PNPLA8: variants seen among roughly 807,000 people sequenced by gnomAD.
PNPLA8 encodes the protein calcium-independent phospholipase A2-gamma.
In PNPLA8, 39 loss-of-function variants were observed where a neutral mutation model predicts 76.9. That is an observed-to-expected ratio of 0.51 (90% CI 0.39 to 0.66). PNPLA8 has a LOEUF of 0.66. Among genes scored for constraint, PNPLA8 ranks in the 30% least tolerant of loss-of-function variants. PNPLA8 has a pLI of 0.00. For missense variants in PNPLA8, 887 were observed against 918.0 expected (o/e 0.97, Z 0.44); for synonymous variants, 301 against 307.9 (o/e 0.98, Z 0.24).
chr7:108,498,125 AC>A (rs1287968298), intron 5 of PNPLA8, among the ~76,000 whole-genome samples: 2 of 136,106 alleles, frequency 1.5e-5, no homozygotes, highest in African/African-American at 5.6e-5. Flanking sequence ...GAAAAAAAAA[AC>A]AAAAAACAAA....
chr7:108,507,914 A>T (rs1862581265), intron 4 of PNPLA8, among the ~76,000 whole-genome samples: 3 of 140,038 alleles, frequency 2.1e-5, no homozygotes, highest in Non-Finnish European at 4.6e-5. Flanking sequence ...ACAGAGCCAA[A>T]GACAAAAACC....
intron 9 of PNPLA8, chr7:108,480,863 A>C: frequency 3.5e-5 from 8 of 230,038 alleles, no homozygotes; most frequent in East Asian, 1.1e-4. Flanking sequence ...CACCCCCAAA[A>C]ACTCTCTCAT....
intron 10 of PNPLA8, 34 bp downstream of exon 10, chr7:108,479,150 G>C (rs551463264): frequency 6.8e-7 from 1 of 1,475,600 alleles, no homozygotes; most frequent in East Asian, 2.3e-5. Context: ...AATGCTAGAA[G>C]TTGAAGTATT....
intron 4 of PNPLA8, chr7:108,502,878 A>C: frequency 6.3e-6 from 2 of 317,440 alleles, no homozygotes; most frequent in Non-Finnish European, 1.1e-5. Flanking sequence ...GTTTTCATTA[A>C]AAGATGTAAT....
intron 2 of PNPLA8, among the ~76,000 whole-genome samples, chr7:108,517,008 A>G (rs1015298475): frequency 2.0e-5 from 3 of 152,210 alleles, no homozygotes; most frequent in Non-Finnish European, 2.9e-5. Flanking sequence ...TTCAACAGAC[A>G]TATCTGATAA....
intron 1 of PNPLA8, among the ~76,000 whole-genome samples, chr7:108,523,896 G>A (rs1334414927): frequency 6.6e-6 from 1 of 152,184 alleles, no homozygotes; most frequent in Non-Finnish European, 1.5e-5. Flanking sequence ...CACAGGACTT[G>A]ACAGCCAAGA....
chr7:108,491,797 T>C (rs573622737), intron 7 of PNPLA8, among the ~76,000 whole-genome samples: 14 of 152,214 alleles, frequency 9.2e-5, no homozygotes, highest in Non-Finnish European at 1.9e-4. Flanking sequence ...AGCTAGGACA[T>C]ATACAGATTA....
chr7:108,513,606 A>C (rs1863090840), intron 4 of PNPLA8, among the ~76,000 whole-genome samples: 1 of 152,106 alleles, frequency 6.6e-6, no homozygotes, highest in East Asian at 1.9e-4. Flanking sequence ...ATTTTATAGC[A>C]CTTCTCTGAA....
chr7:108,527,947 A>G (rs1314009614), upstream of PNPLA8: 5 of 152,200 alleles, frequency 3.3e-5, no homozygotes, highest in Non-Finnish European at 7.3e-5. Flanking sequence ...ATTTAGTCAG[A>G]TGTTATTAAA....
chr7:108,514,754 T>C lies in PNPLA8; in HGVS notation c.738A>G (p.Leu246=). ...LEDKKVEEGK[L]RSPDPGILAY... is the part of the protein sequence containing the mutation. ...CCAGGATGCCAGGATCTGGAGATCT[T>C]AATTTCCCCTCTTCTACCTTTTTAT... The change falls in exon 3 of 11, where the codon TTA becomes TTG. Residue 246 remains leucine (L), a synonymous_variant. Transcript: ENST00000257694. 1 of 1,613,240 alleles carries C rather than the reference T, an allele frequency of 6.2e-7. No homozygotes were observed. The highest frequency in any genetic ancestry group is 8.5e-7 in the Non-Finnish European group (1 of 1,179,372).
chr7:108,521,907 T>C (rs935943043), intron 1 of PNPLA8, among the ~76,000 whole-genome samples: 9 of 152,172 alleles, frequency 5.9e-5, no homozygotes, highest in Non-Finnish European at 7.3e-5. Context: ...AGAGTTAACC[T>C]GAAAATCTAG....
chr7:108,491,845 T>A (rs1323392754), intron 7 of PNPLA8, among the ~76,000 whole-genome samples: 2 of 152,162 alleles, frequency 1.3e-5, no homozygotes, highest in Non-Finnish European at 2.9e-5. Context: ...GTTTTCAGGG[T>A]CCTGCCAATA....
intron 9 of PNPLA8, among the ~76,000 whole-genome samples, chr7:108,486,509 G>A (rs113606247): frequency 2.6e-5 from 4 of 152,024 alleles, no homozygotes; most frequent in African/African-American, 9.7e-5. Flanking sequence ...GCAAGAAGGG[G>A]AAGTGCCTTA....
At position 108,517,617 on chromosome 7, in the gene PNPLA8, C is replaced by T. The variant is rs971569881; in HGVS notation, c.-83-2043G>A. On this transcript the variant is annotated intron_variant, in intron 2 of 10. Transcript: ENST00000257694. ...TGCTACAAAGACATGAGCTATCAAG[C>T]CATAAAAAGACCGTGAGAAACCTGA... Among the ~76,000 whole-genome samples the T allele has an allele frequency of 5.3e-5, 8 of 152,138 alleles. No individual in the cohort carries two copies. In the East Asian group the frequency reaches 5.8e-4, roughly 11 times the overall value.
chr7:108,470,967 G>T lies in PNPLA8; in HGVS notation c.*1434C>A, dbSNP rs1415040778. On this transcript the variant is annotated 3_prime_UTR_variant, in exon 11 of 11. Transcript: ENST00000257694. The stretch of plus-strand genomic sequence containing the variant: ...CTCTGTGAATTGATATTGCAAAGAA[G>T]CAATATGACTATCTGGGCAACAGGG... 1 of 152,154 alleles carries T rather than the reference G, an allele frequency of 6.6e-6. No individual in the cohort carries two copies. The highest frequency in any genetic ancestry group is 2.4e-5 in the African/African-American group (1 of 41,440). The allele number at this position is 152,154 out of a possible 1,614,324, so 9.4% of individuals were successfully genotyped here.
At chr7:108,501,274 A>T (rs1041807636) in intron 5 of PNPLA8, among the ~76,000 whole-genome samples, 1 of 152,254 alleles carries the variant, frequency 6.6e-6, no homozygotes, top group Non-Finnish European at 1.5e-5. Context: ...AAGCCAAAAA[A>T]TCTAACCAAC....
intron 7 of PNPLA8, 133 bp from the exon 8 acceptor site, chr7:108,491,600 T>C (rs1372675642): frequency 1.6e-6 from 1 of 631,430 alleles, no homozygotes; most frequent in Non-Finnish European, 2.8e-6. Context: ...TGTAAGACTC[T>C]CCTCTAGGAG....
At chr7:108,500,963 T>C (rs565183833) in intron 5 of PNPLA8, among the ~76,000 whole-genome samples, 8 of 152,234 alleles carry the variant, frequency 5.3e-5, no homozygotes, top group Non-Finnish European at 4.4e-5. Context: ...TGCCTTCCAC[T>C]GCCACCATCT....
intron 4 of PNPLA8, chr7:108,510,143 A>G (rs1262653123): frequency 1.6e-6 from 1 of 616,818 alleles, no homozygotes; most frequent in African/African-American, 1.9e-5. Context: ...TAACCTGCAC[A>G]ATGTGCACAT....
Sources: allele counts gnomAD v4.1 joint callset (sites outside exome capture counted in the v4.1 genomes callset), GRCh38; gene constraint gnomAD v4.1.1; transcripts MANE v1.5; gene names NCBI Gene and HGNC (gene_info 2026-07-23, HGNC 2026-07-21).